CWC27: variants seen among roughly 807,000 people sequenced by gnomAD.
CWC27 encodes the protein CWC27 spliceosome associated cyclophilin.
CWC27 carries 47 observed loss-of-function variants against 63.6 expected under a neutral mutation model. That is an observed-to-expected ratio of 0.74 (90% CI 0.58 to 0.94). CWC27 has a LOEUF of 0.94. CWC27 is among the 40% of genes least tolerant of loss of function. CWC27 has a pLI of 0.00. For missense variants in CWC27, 495 were observed against 554.3 expected, an observed-to-expected ratio of 0.89 and a Z score of 1.07; for synonymous variants, 175 against 179.8, an observed-to-expected ratio of 0.97 and a Z score of 0.22.
intron 10 of CWC27, among the ~76,000 whole-genome samples, chr5:64,809,064 T>C (rs753589253): frequency 1.3e-5 from 2 of 152,150 alleles, no homozygotes; most frequent in Admixed American, 1.3e-4. Context: ...AAAATTGCCA[T>C]TACCCATAAA....
intron 13 of CWC27, among the ~76,000 whole-genome samples, chr5:65,010,770 A>G (rs927230221): frequency 6.6e-6 from 1 of 152,238 alleles, no homozygotes; most frequent in African/African-American, 2.4e-5. Flanking sequence ...GGATTTTCAT[A>G]TCATAAAGTT....
At chr5:64,845,661 G>A (rs1745958476) in intron 10 of CWC27, among the ~76,000 whole-genome samples, 1 of 152,182 alleles carries the variant, frequency 6.6e-6, no homozygotes, top group Admixed American at 6.5e-5. Context: ...CTGGAAGACA[G>A]CATTTGATAT....
intron 2 of CWC27, among the ~76,000 whole-genome samples, chr5:64,778,004 T>A (rs1743519484): frequency 6.6e-6 from 1 of 152,070 alleles, no homozygotes; most frequent in South Asian, 2.1e-4. Flanking sequence ...ACTAGGAAAA[T>A]CATAAAGAAA....
chr5:64,910,331 G>C lies in CWC27; in HGVS notation c.1042+24785G>C, dbSNP rs181101135. 8.5e-3 allele frequency among the ~76,000 whole-genome samples: 1,288 copies of C among 152,292 alleles called. 19 individuals carry two copies. The highest frequency in any genetic ancestry group is 0.031 in the Middle Eastern group (9 of 294). ...TCCTTCCTCTGGAAGCTTCGTCCCA[G>C]AGGGGCACCTGCCTGTATGAGGTGT... is the stretch of plus-strand genomic sequence containing the variant. On this transcript the variant is annotated intron_variant, in intron 11 of 13. Coordinates refer to ENST00000381070, the MANE Select transcript of CWC27 (RefSeq NM_005869.4).
intron 11 of CWC27, among the ~76,000 whole-genome samples, chr5:64,912,133 G>C (rs1374371964): frequency 6.6e-6 from 1 of 151,188 alleles, no homozygotes. Flanking sequence ...TAGGTATATA[G>C]CTTCAAATAA....
At chr5:64,908,375 A>C (rs1463250010) in intron 11 of CWC27, among the ~76,000 whole-genome samples, 1 of 152,154 alleles carries the variant, frequency 6.6e-6, no homozygotes, top group African/African-American at 2.4e-5. Flanking sequence ...AATTGGGCTG[A>C]AGAGTTCTGT....
chr5:64,967,898 A>C (rs970302321), intron 11 of CWC27, among the ~76,000 whole-genome samples: 1 of 152,022 alleles, frequency 6.6e-6, no homozygotes, highest in African/African-American at 2.4e-5. Context: ...TGTGATATGA[A>C]ATTTAAATAT....
intron 10 of CWC27, among the ~76,000 whole-genome samples, chr5:64,827,752 C>T (rs145003405): frequency 1.7e-4 from 26 of 152,204 alleles, no homozygotes; most frequent in Admixed American, 1.6e-3. Context: ...ACACAGTAGT[C>T]GACCTATATC....
chr5:64,937,562 A>G (rs951759738), intron 11 of CWC27, among the ~76,000 whole-genome samples: 5 of 152,162 alleles, frequency 3.3e-5, no homozygotes, highest in Admixed American at 1.3e-4. Context: ...AGAAGAATGT[A>G]TATTCTGTTG....
chr5:64,928,618 TG>T (rs1748167755), intron 11 of CWC27, among the ~76,000 whole-genome samples: 1 of 151,876 alleles, frequency 6.6e-6, no homozygotes, highest in Non-Finnish European at 1.5e-5. Flanking sequence ...AGAAAAACCA[TG>T]GGAATGATAA....
intron 11 of CWC27, among the ~76,000 whole-genome samples, chr5:64,896,198 G>A (rs1018077898): frequency 5.3e-5 from 8 of 152,144 alleles, no homozygotes; most frequent in Admixed American, 2.6e-4. Flanking sequence ...AGGACATAAG[G>A]CAGAATCTTA....
At chr5:64,945,973 T>G (rs2196078) in intron 11 of CWC27, among the ~76,000 whole-genome samples, 68,603 of 151,992 alleles carry the variant, frequency 0.45, 15,646 homozygotes, top group African/African-American at 0.48. Flanking sequence ...TATTGATATC[T>G]TATTTACTGC....
At chr5:64,941,669 G>C (rs1580739939) in intron 11 of CWC27, among the ~76,000 whole-genome samples, 1 of 152,066 alleles carries the variant, frequency 6.6e-6, no homozygotes, top group East Asian at 1.9e-4. Flanking sequence ...TAGAAGTATA[G>C]AAATCATATT....
chr5:64,849,772 T>G (rs1580671932), intron 10 of CWC27, among the ~76,000 whole-genome samples: 1 of 152,130 alleles, frequency 6.6e-6, no homozygotes, highest in Middle Eastern at 3.4e-3. Flanking sequence ...TCTCATGAGA[T>G]CTGATAGTTT....
intron 11 of CWC27, among the ~76,000 whole-genome samples, chr5:64,943,937 T>A (rs1002743930): frequency 1.3e-5 from 2 of 152,124 alleles, no homozygotes; most frequent in African/African-American, 4.8e-5. Flanking sequence ...ACCGTTACCA[T>A]AACTACCAAC....
At chr5:64,783,272 G>C (rs1743762352) in intron 3 of CWC27, among the ~76,000 whole-genome samples, 1 of 152,200 alleles carries the variant, frequency 6.6e-6, no homozygotes, top group African/African-American at 2.4e-5. Context: ...AACCACCTTA[G>C]AAAGGCTTGT....
At chr5:64,820,527 C>T (rs964633910) in intron 10 of CWC27, among the ~76,000 whole-genome samples, 1 of 151,522 alleles carries the variant, frequency 6.6e-6, no homozygotes, top group Non-Finnish European at 1.5e-5. Context: ...GTGTGACATA[C>T]CTATTAAATC....
rs758096937 is a variant in CWC27 at position 64,937,413 on chromosome 5, G to A, written c.1043-34290G>A. 1.4e-3 allele frequency among the ~76,000 whole-genome samples: 209 copies of A among 152,188 alleles called. 3 individuals are homozygous for A. Among genetic ancestry groups the A allele is most frequent in the Non-Finnish European group, 3.8e-4 (26 of 68,028 alleles). On this transcript the variant is annotated intron_variant, in intron 11 of 13. Coordinates refer to ENST00000381070, the MANE Select transcript of CWC27 (RefSeq NM_005869.4). ...TCCATGTAGTTGTGTGGTTTTGAGT[G>A]ACTTTCTTAATCTGGAGTTCTAATT...
In CWC27 at chr5:64,809,214, A is replaced by G. The variant is rs13354023; in HGVS notation, c.938+4828A>G. ...AGGTTACTATGTGATGTTTTGCTGT[A>G]TGTATTCATGGTAGAAAGATTCGAT... On this transcript the variant is annotated intron_variant, in intron 10 of 13. Transcript: ENST00000381070. Among the ~76,000 whole-genome samples the G allele has an allele frequency of 9.2e-3, 1,404 of 152,300 alleles. 28 individuals are homozygous for G. Among genetic ancestry groups the G allele is most frequent in the African/African-American group, 0.033 (1,354 of 41,564 alleles).
Sources: gnomAD v4.1 joint callset for allele counts (sites outside exome capture counted in the v4.1 genomes callset) on GRCh38, gnomAD v4.1.1 for gene constraint, MANE v1.5 for transcripts, NCBI Gene and HGNC (gene_info 2026-07-23, HGNC 2026-07-21) for gene names.